The following NAALADL2 variants were observed in gnomAD, a reference collection of about 807,000 sequenced individuals.
NAALADL2 encodes N-acetylated alpha-linked acidic dipeptidase like 2.
In NAALADL2, 76 loss-of-function variants were observed where a neutral mutation model predicts 87.2. The ratio of observed to expected loss-of-function variants is 0.87; its 90% confidence interval spans 0.72 to 1.05. The LOEUF (loss-of-function observed/expected upper bound fraction) is 1.05, where lower values mean the gene tolerates loss of function less well. Among genes scored for constraint, NAALADL2 ranks in the 50% least tolerant of loss-of-function variants. NAALADL2 has a pLI of 0.00. For missense variants in NAALADL2, 1,089 were observed against 945.8 expected (o/e 1.15, Z -1.99); for synonymous variants, 354 against 331.0 (o/e 1.07, Z -0.75).
chr3:175,513,192 C>A (rs1482489207), intron 9 of NAALADL2, among the ~76,000 whole-genome samples: 1 of 152,044 alleles, frequency 6.6e-6, no homozygotes, highest in Non-Finnish European at 1.5e-5. Context: ...GTTCATTAAA[C>A]GTGCAGGGTA....
rs549196925 is a variant in NAALADL2 at position 174,469,971 on chromosome 3, A to C, written c.-184+28939A>C. Among the ~76,000 whole-genome samples the C allele has an allele frequency of 1.2e-4, 18 of 152,230 alleles. 1 individual carries two copies. The highest frequency in any genetic ancestry group is 6.5e-4 in the Admixed American group (10 of 15,286). ...AATTACCATCTTTATAGTACTTTGA[A>C]AGTTTTTTTTTAAAGTATTCTTGTA... On this transcript the variant is annotated intron_variant, in intron 1 of 3. Coordinates refer to the NAALADL2 transcript ENST00000434257.
intron 13 of NAALADL2, among the ~76,000 whole-genome samples, chr3:175,794,583 G>C (rs1753221557): frequency 6.6e-6 from 1 of 152,110 alleles, no homozygotes; most frequent in South Asian, 2.1e-4. Context: ...TATCCTAAAA[G>C]ATAACTTCTT....
chr3:175,076,427 ACT>A (rs1174014205), intron 1 of NAALADL2, among the ~76,000 whole-genome samples: 1 of 151,828 alleles, frequency 6.6e-6, no homozygotes, highest in Non-Finnish European at 1.5e-5. Flanking sequence ...TTAAAAGATA[ACT>A]CTGATAGCAG....
At chr3:174,546,215 A>G (rs965749806) in intron 1 of NAALADL2, among the ~76,000 whole-genome samples, 4 of 152,088 alleles carry the variant, frequency 2.6e-5, no homozygotes, top group Admixed American at 2.6e-4. Flanking sequence ...GAATTGATTG[A>G]AGGTAGATCT....
At chr3:175,181,153 A>G (rs924143845) in intron 2 of NAALADL2, among the ~76,000 whole-genome samples, 11 of 152,040 alleles carry the variant, frequency 7.2e-5, no homozygotes, top group African/African-American at 2.4e-4. Context: ...AAAATATTAA[A>G]TGTATCTCCC....
At chr3:175,371,562 T>C (rs1210251153) in intron 5 of NAALADL2, among the ~76,000 whole-genome samples, 2 of 152,188 alleles carry the variant, frequency 1.3e-5, no homozygotes, top group Non-Finnish European at 2.9e-5. Flanking sequence ...CGACGGCTCA[T>C]GCTTGTAATC....
chr3:174,847,181 C>A (rs552326805), intron 3 of NAALADL2, among the ~76,000 whole-genome samples: 2 of 152,208 alleles, frequency 1.3e-5, no homozygotes, highest in South Asian at 4.2e-4. Flanking sequence ...TTTATCTCTA[C>A]CCATATTTCT....
At chr3:175,118,332 C>T (rs991817250) in intron 2 of NAALADL2, among the ~76,000 whole-genome samples, 4 of 151,550 alleles carry the variant, frequency 2.6e-5, no homozygotes, top group African/African-American at 9.7e-5. Flanking sequence ...CAATAGATCA[C>T]AGAACTAAAC....
intron 9 of NAALADL2, among the ~76,000 whole-genome samples, chr3:175,476,644 A>T (rs17600608): frequency 0.064 from 9,677 of 152,190 alleles, 397 homozygotes; most frequent in Non-Finnish European, 0.092. Flanking sequence ...TGCTCAATTG[A>T]GTGCAAAGTT....
At chr3:175,242,810 A>G (rs2109636331) in intron 3 of NAALADL2, among the ~76,000 whole-genome samples, 1 of 152,336 alleles carries the variant, frequency 6.6e-6, no homozygotes, top group East Asian at 1.9e-4. Context: ...AGCTGGCAAT[A>G]TAATAGGAGA....
chr3:175,217,440 G>C (rs1248706048), intron 2 of NAALADL2, among the ~76,000 whole-genome samples: 2 of 152,138 alleles, frequency 1.3e-5, no homozygotes, highest in Admixed American at 1.3e-4. Flanking sequence ...CATTTCACAT[G>C]TACCAAAAAT....
chr3:175,008,954 C>G (rs531554268), intron 1 of NAALADL2, among the ~76,000 whole-genome samples: 1 of 152,192 alleles, frequency 6.6e-6, no homozygotes, highest in East Asian at 1.9e-4. Flanking sequence ...AAAAATAAGT[C>G]TTTTGTGAAA....
rs1439466006 is a variant in NAALADL2, at chr3:175,364,599, G to A, written c.1090+40274G>A. Reference sequence around the variant, plus strand: ...CAGTGAGGGAAATTATTTTTGGAATGCAGCAGCTGAGACCCAAGCTTGATG... The same window carrying A: ...CAGTGAGGGAAATTATTTTTGGAATACAGCAGCTGAGACCCAAGCTTGATG... On this transcript the variant is annotated intron_variant, in intron 5 of 13. Transcript: ENST00000454872. Among the ~76,000 whole-genome samples the A allele has an allele frequency of 1.4e-5, 2 of 147,546 alleles. 1 individual carries two copies. The highest frequency in any genetic ancestry group is 3.0e-5 in the Non-Finnish European group (2 of 66,354).
chr3:175,056,126 C>T (rs1035734100), intron 1 of NAALADL2, among the ~76,000 whole-genome samples: 4 of 151,974 alleles, frequency 2.6e-5, no homozygotes, highest in East Asian at 1.9e-4. Context: ...CAGTGTCCTC[C>T]GGAAAAGAAA....
Position 174,522,933 on chromosome 3 carries a change from C to CA in NAALADL2, c.-183-27612dup, listed in dbSNP as rs57653560. Among the ~76,000 whole-genome samples, 499 of 75,718 alleles carry CA rather than the reference C, an allele frequency of 6.6e-3. 4 individuals carry two copies. The highest frequency in any genetic ancestry group is 0.01 in the East Asian group (22 of 2,144). 49.7% of individuals were successfully genotyped at this position (75,718 alleles called of 152,430 possible). ...TGGGCGAAAGAGCGAGACTCTGTCTCAAAAAAAAAAAAAAAAAAAAAAAAG... is the reference window on the plus strand; with the variant it reads ...TGGGCGAAAGAGCGAGACTCTGTCTCAAAAAAAAAAAAAAAAAAAAAAAAAG... On this transcript the variant is annotated intron_variant, in intron 1 of 3. Transcript: ENST00000434257.
chr3:175,622,914 T>TG (rs1427913463), intron 10 of NAALADL2, among the ~76,000 whole-genome samples: 3 of 152,044 alleles, frequency 2.0e-5, no homozygotes, highest in Non-Finnish European at 4.4e-5. Context: ...AGATAAAAAT[T>TG]ACCCATACCT....
chr3:175,779,507 A>C (rs1470636544), intron 13 of NAALADL2, among the ~76,000 whole-genome samples: 1 of 151,920 alleles, frequency 6.6e-6, no homozygotes, highest in Non-Finnish European at 1.5e-5. Context: ...ATAGGGCAAA[A>C]ATTATAATGT....
At chr3:175,647,721 A>G (rs1331891786) in intron 11 of NAALADL2, among the ~76,000 whole-genome samples, 1 of 152,170 alleles carries the variant, frequency 6.6e-6, no homozygotes, top group Non-Finnish European at 1.5e-5. Flanking sequence ...AGTGCTTTAC[A>G]CCTGGAGCCC....
At chr3:174,785,156 C>A (rs1245003822) in intron 3 of NAALADL2, among the ~76,000 whole-genome samples, 2 of 152,114 alleles carry the variant, frequency 1.3e-5, no homozygotes, top group Non-Finnish European at 2.9e-5. Context: ...CAACAGTTAG[C>A]TTTTGAGCCC....
Sources: gnomAD v4.1 joint callset for allele counts (sites outside exome capture counted in the v4.1 genomes callset) on GRCh38, gnomAD v4.1.1 for gene constraint, MANE v1.5 for transcripts, NCBI Gene and HGNC (gene_info 2026-07-23, HGNC 2026-07-21) for gene names.